Variants in ZNF609 observed in about 807,000 individuals in gnomAD.
The protein encoded by ZNF609 is zinc finger protein 609.
ZNF609 carries 11 observed loss-of-function variants against 109.5 expected under a neutral mutation model. The observed-to-expected ratio is 0.10, with a 90% CI of 0.06 to 0.17. The LOEUF is 0.17. ZNF609 is among the 10% of genes least tolerant of loss of function. The pLI is 1.00. For synonymous variants in ZNF609, 646 were observed against 662.0 expected, an observed-to-expected ratio of 0.98 and a Z score of 0.37; for missense variants, 1,559 against 1,772.4, an observed-to-expected ratio of 0.88 and a Z score of 2.16.
At chr15:64,644,965 TTTC>T (rs952832582) in intron 3 of ZNF609, among the ~76,000 whole-genome samples, 6 of 143,934 alleles carry the variant, frequency 4.2e-5, no homozygotes, top group Admixed American at 2.0e-4. Flanking sequence ...TTTCTTTTCT[TTTC>T]TTCTTTCTTT....
At chr15:64,468,660 C>T (rs1893047833) in intron 1 of ZNF609, among the ~76,000 whole-genome samples, 1 of 152,070 alleles carries the variant, frequency 6.6e-6, no homozygotes, top group Non-Finnish European at 1.5e-5. Context: ...AAGCAGTCCT[C>T]CTTCCATGGT....
chr15:64,555,397 G>A (rs1306645233), intron 2 of ZNF609, among the ~76,000 whole-genome samples: 6 of 152,076 alleles, frequency 3.9e-5, no homozygotes, highest in Non-Finnish European at 5.9e-5. Context: ...GGGTGCAGTG[G>A]CGCACGCCTG....
chr15:64,590,697 T>C (rs1336696255), intron 2 of ZNF609, among the ~76,000 whole-genome samples: 5 of 151,772 alleles, frequency 3.3e-5, no homozygotes, highest in Admixed American at 6.6e-5. Flanking sequence ...TGTATATATA[T>C]ATGTATCTGG....
chr15:64,613,453 C>G (rs1243816502), intron 2 of ZNF609, among the ~76,000 whole-genome samples: 1 of 152,198 alleles, frequency 6.6e-6, no homozygotes, highest in Non-Finnish European at 1.5e-5. Flanking sequence ...TCAGATTTCT[C>G]CTTCCATCCT....
At chr15:64,615,836 C>A (rs1303539912) in intron 2 of ZNF609, among the ~76,000 whole-genome samples, 2 of 152,180 alleles carry the variant, frequency 1.3e-5, no homozygotes, top group African/African-American at 4.8e-5. Context: ...CTGAATAAAT[C>A]TGAACATTCA....
At chr15:64,678,504 C>G (rs562462800) in intron 6 of ZNF609, 22 bp downstream of exon 6, 13 of 1,533,062 alleles carry the variant, frequency 8.5e-6, no homozygotes, top group Non-Finnish European at 1.1e-5. Context: ...AGTGCCAGCA[C>G]TATTCCATTC....
At chr15:64,638,386 C>T (rs1385247708) in intron 3 of ZNF609, among the ~76,000 whole-genome samples, 4 of 151,486 alleles carry the variant, frequency 2.6e-5, no homozygotes, top group African/African-American at 9.7e-5. Flanking sequence ...TTTACTTGGC[C>T]TTTTGCATTT....
At chr15:64,550,075 C>T (rs561985150) in intron 2 of ZNF609, among the ~76,000 whole-genome samples, 2 of 152,252 alleles carry the variant, frequency 1.3e-5, no homozygotes, top group East Asian at 1.9e-4. Flanking sequence ...CCTCAGCCTC[C>T]CAAGTAGCTA....
chr15:64,607,820 T>C (rs1264284239), intron 2 of ZNF609, among the ~76,000 whole-genome samples: 1 of 5,704 alleles, frequency 1.8e-4, no homozygotes, highest in Non-Finnish European at 6.8e-4. Flanking sequence ...TGTTTTCTTC[T>C]TTCTTTCTTT....
At chr15:64,576,653 A>G (rs1481957321) in intron 2 of ZNF609, among the ~76,000 whole-genome samples, 4 of 151,746 alleles carry the variant, frequency 2.6e-5, no homozygotes, top group Non-Finnish European at 5.9e-5. Flanking sequence ...AAAATAGTGG[A>G]TGGAGCCAGG....
In ZNF609 at chr15:64,675,092, C is replaced by G. The variant is rs1330992645; in HGVS notation, c.2238C>G (p.Thr746=). ...CAAAGGAACTTGAAAGTCCTCTGACCCCTGGGAAGGTGTGTCGAGCAGAGG... is the reference window on the plus strand; with the variant it reads ...CAAAGGAACTTGAAAGTCCTCTGACGCCTGGGAAGGTGTGTCGAGCAGAGG... ...ESSKELESPL[T]PGKVCRAEEG... The change falls in exon 5 of 10, where the codon ACC becomes ACG. Residue 746 remains threonine (T), a synonymous_variant. Coordinates refer to ENST00000326648, the MANE Select transcript of ZNF609 (RefSeq NM_015042.2). 2 of 1,614,102 alleles carry G rather than the reference C, an allele frequency of 1.2e-6. No homozygotes were observed. The highest frequency in any genetic ancestry group is 1.1e-5 in the South Asian group (1 of 91,080).
intron 2 of ZNF609, among the ~76,000 whole-genome samples, chr15:64,508,027 A>T (rs1646667880): frequency 6.6e-6 from 1 of 152,206 alleles, no homozygotes; most frequent in Non-Finnish European, 1.5e-5. Flanking sequence ...CATAGTCAAT[A>T]TTTAAGCTGC....
chr15:64,502,970 G>A (rs1235141287), intron 2 of ZNF609: 1 of 151,220 alleles, frequency 6.6e-6, no homozygotes, highest in African/African-American at 2.4e-5. Context: ...GAGGTGGAAG[G>A]ATAGCTTGAG....
intron 2 of ZNF609, among the ~76,000 whole-genome samples, chr15:64,521,520 G>A (rs1893890745): frequency 6.6e-6 from 1 of 152,074 alleles, no homozygotes; most frequent in Non-Finnish European, 1.5e-5. Context: ...ACATTTCAAG[G>A]TACAGGAAAT....
intron 2 of ZNF609, among the ~76,000 whole-genome samples, chr15:64,554,197 G>A (rs910518775): frequency 4.6e-5 from 7 of 152,132 alleles, no homozygotes; most frequent in Admixed American, 6.6e-5. Context: ...TAAATATGAC[G>A]TTAGCTGTAG....
In ZNF609 at chr15:64,499,630, A is replaced by C. The variant is rs777734810; in HGVS notation, c.211A>C (p.Asn71His). Reference protein sequence around the residue: ...APNAVATLPDNIKFVTPVPGP... With the variant: ...APNAVATLPDHIKFVTPVPGP... ...CAATGCTGTGGCCACACTACCAGAC[A>C]ACATCAAGTTTGTGACCCCAGTGCC... Residue 71 changes from asparagine to histidine, a missense_variant, in exon 2 of 10, where the codon AAC (asparagine) becomes CAC (histidine). Around this residue, in one of 4 missense-constraint regions of ZNF609, gnomAD observed 291 missense variants for 317.8 expected, o/e 0.92. Transcript: ENST00000326648. 2 of 1,614,228 alleles carry C rather than the reference A, an allele frequency of 1.2e-6. No individual in the cohort carries two copies. The highest frequency in any genetic ancestry group is 1.7e-6 in the Non-Finnish European group (2 of 1,180,052).
At chr15:64,543,207 A>G (rs16948044) in intron 2 of ZNF609, among the ~76,000 whole-genome samples, 21,137 of 150,796 alleles carry the variant, frequency 0.14, 2,875 homozygotes, top group African/African-American at 0.34. Context: ...CTTAATTTTA[A>G]GACACACAGC....
At chr15:64,465,547 ATTTTAGTAT>A (rs1041847021) in intron 1 of ZNF609, among the ~76,000 whole-genome samples, 1 of 151,762 alleles carries the variant, frequency 6.6e-6, no homozygotes, top group Non-Finnish European at 1.5e-5. Context: ...TGCCCAGCTA[ATTTTAGTAT>A]TTTTAGTAGA....
At chr15:64,627,663 C>CTTTTTTT (rs35293725) in intron 3 of ZNF609, among the ~76,000 whole-genome samples, 1,146 of 85,872 alleles carry the variant, frequency 0.013, 11 homozygotes, top group Non-Finnish European at 0.019. Flanking sequence ...TTTTTTCTTT[C>CTTTTTTT]TTTTTTTTTT....
Sources: gnomAD v4.1 joint callset for allele counts (sites outside exome capture counted in the v4.1 genomes callset) on GRCh38, gnomAD v4.1.1 for gene constraint, gnomAD v4.1.1 regional missense constraint, MANE v1.5 for transcripts, NCBI Gene and HGNC (gene_info 2026-07-23, HGNC 2026-07-21) for gene names.